Variants in GGNBP2 observed in about 807,000 individuals in gnomAD.
GGNBP2 encodes the protein gametogenetin-binding protein 2.
GGNBP2 carries 10 observed loss-of-function variants against 85.9 expected under a neutral mutation model. That is an observed-to-expected ratio of 0.12 (90% CI 0.07 to 0.20). The LOEUF (loss-of-function observed/expected upper bound fraction) is 0.20. GGNBP2 is among the 10% of genes least tolerant of loss of function. GGNBP2 has a pLI of 1.00. For synonymous variants in GGNBP2, 287 were observed against 285.7 expected (o/e 1.00, Z -0.05); for missense variants, 595 against 857.8 (o/e 0.69, Z 3.83).
chr17:36,560,515 A>G (rs2074407002), intron 4 of GGNBP2, among the ~76,000 whole-genome samples: 1 of 152,144 alleles, frequency 6.6e-6, no homozygotes, highest in South Asian at 2.1e-4. Context: ...CCTCCCAAAT[A>G]GCCGGGACTA....
intron 12 of GGNBP2, chr17:36,586,424 T>A: frequency 7.4e-6 from 4 of 541,528 alleles, no homozygotes; most frequent in Non-Finnish European, 9.8e-6. Flanking sequence ...TCAATTGTTC[T>A]TTTTATACTT....
At chr17:36,581,287 A>G (rs2074647330) in intron 8 of GGNBP2, 57 bp from the exon 9 acceptor site, 2 of 1,259,442 alleles carry the variant, frequency 1.6e-6, no homozygotes, top group Non-Finnish European at 2.2e-6. Flanking sequence ...TCCGTCTCAA[A>G]AAAAAAAGAA....
At position 36,584,922 on chromosome 17, in the gene GGNBP2, C is replaced by G. The variant is rs956921710; in HGVS notation, c.1216-378C>G. ...TAAGCCATGATTGTATGACTGTACT[C>G]TAGCCTAAGTGACAGAGGGAGACCG... On this transcript the variant is annotated intron_variant, in intron 9 of 13. Transcript: ENST00000613102. 9.5e-5 allele frequency among the ~76,000 whole-genome samples: 14 copies of G among 148,066 alleles called. No homozygotes were observed. The East Asian group carries it at 2.2e-3, about 23-fold the overall frequency.
intron 3 of GGNBP2, among the ~76,000 whole-genome samples, chr17:36,556,751 CTTTTTT>C (rs10544073): frequency 4.4e-4 from 23 of 52,848 alleles, no homozygotes; most frequent in African/African-American, 7.6e-4. Context: ...CTGTATTGTG[CTTTTTT>C]TTTTTTTTTT....
chr17:36,568,549 G>A lies in GGNBP2; in HGVS notation c.641+773G>A, dbSNP rs527913455. 3.3e-5 allele frequency among the ~76,000 whole-genome samples: 5 copies of A among 152,172 alleles called. No homozygotes were observed. The East Asian group carries it at 5.8e-4, about 18-fold the overall frequency. ...TGACCTCAGGTAATCCATCTGCCTCGACCTCCCAAAGTGCTGAGATTACAG... is the reference window on the plus strand; with the variant it reads ...TGACCTCAGGTAATCCATCTGCCTCAACCTCCCAAAGTGCTGAGATTACAG... On this transcript the variant is annotated intron_variant, in intron 6 of 13. Transcript: ENST00000613102.
intron 4 of GGNBP2, 97 bp downstream of exon 4, chr17:36,557,433 A>G (rs2074373475): frequency 9.6e-7 from 1 of 1,036,580 alleles, no homozygotes; most frequent in East Asian, 2.4e-5. Flanking sequence ...ATTGAGTCTG[A>G]TTTAATAATT....
At chr17:36,568,357 C>G (rs572116600) in intron 6 of GGNBP2, among the ~76,000 whole-genome samples, 1 of 151,808 alleles carries the variant, frequency 6.6e-6, no homozygotes, top group Non-Finnish European at 1.5e-5. Context: ...AGTGCAGTAG[C>G]GAGACCTCGG....
At chr17:36,547,726 A>G (rs2074268475) in intron 2 of GGNBP2, 1 of 152,260 alleles carries the variant, frequency 6.6e-6, no homozygotes, top group African/African-American at 2.4e-5. Context: ...GACTAAGGCA[A>G]ATAAAACTTA....
chr17:36,575,210 C>T (rs980929770), intron 6 of GGNBP2: 8 of 640,894 alleles, frequency 1.2e-5, no homozygotes, highest in East Asian at 3.0e-5. Flanking sequence ...GCCTCAGCCG[C>T]GGCCTCAGCC....
At position 36,556,596 on chromosome 17, in the gene GGNBP2, C is replaced by T. The variant is rs537367718; in HGVS notation, c.175-487C>T. Among the ~76,000 whole-genome samples the T allele has an allele frequency of 2.5e-3, 380 of 151,928 alleles. 1 individual carries two copies. The highest frequency in any genetic ancestry group is 8.6e-3 in the African/African-American group (357 of 41,426). ...GTGCACACCTGTAGTCCCAGCTACT[C>T]GGGAGGCTGAGGCAGGAGAATTGCT... is the stretch of plus-strand genomic sequence containing the variant. On this transcript the variant is annotated intron_variant, in intron 3 of 13. Coordinates refer to ENST00000613102, the MANE Select transcript of GGNBP2 (RefSeq NM_024835.5).
chr17:36,561,270 C>T (rs908034463), intron 5 of GGNBP2, among the ~76,000 whole-genome samples: 1 of 152,010 alleles, frequency 6.6e-6, no homozygotes, highest in African/African-American at 2.4e-5. Context: ...ACTACAGGTG[C>T]GTGCCACCAC....
Position 36,554,881 on chromosome 17 carries a change from A to C in GGNBP2, c.155A>C (p.Gln52Pro), listed in dbSNP as rs1254031096. ...GATGGACATCAGAATAATGGTGCACAGCTAAAGCAGTTCATTCAGGTAATA... is the reference window on the plus strand; with the variant it reads ...GATGGACATCAGAATAATGGTGCACCGCTAAAGCAGTTCATTCAGGTAATA... ...NLDGHQNNGA[Q>P]LKQFIQRHGM... The change falls in exon 3 of 14, where the codon CAG becomes CCG. Residue 52 changes from glutamine to proline, a missense_variant. Around this residue, in one of 9 missense-constraint regions of GGNBP2, gnomAD observed 216 missense variants for 293.4 expected, o/e 0.74. Coordinates refer to ENST00000613102, the MANE Select transcript of GGNBP2 (RefSeq NM_024835.5). 6.2e-7 allele frequency: 1 copy of C among 1,601,926 alleles called. No individual in the cohort carries two copies. Among genetic ancestry groups the C allele is most frequent in the Non-Finnish European group, 8.6e-7 (1 of 1,168,782 alleles).
Position 36,581,489 on chromosome 17 carries a change from T to G in GGNBP2, c.1166T>G (p.Ile389Ser). 2 of 1,611,418 alleles carry G rather than the reference T, an allele frequency of 1.2e-6. No homozygotes were observed. The highest frequency in any genetic ancestry group is 1.7e-6 in the Non-Finnish European group (2 of 1,179,208). Residue 389 changes from isoleucine (I) to serine (S), a missense_variant, in exon 9 of 14, where the codon ATT becomes AGT. Transcript: ENST00000613102. The stretch of plus-strand genomic sequence containing the variant: ...CGAAAAAATAAGTGTGTGTGTGATA[T>G]TCCTACTCCCTTACAAACAGCAGAT... Reference protein sequence around the residue: ...NRRKNKCVCDIPTPLQTADEK... With the variant: ...NRRKNKCVCDSPTPLQTADEK...
intron 5 of GGNBP2, among the ~76,000 whole-genome samples, chr17:36,562,223 A>AGT (rs2074424429): frequency 6.6e-6 from 1 of 151,928 alleles, no homozygotes; most frequent in Non-Finnish European, 1.5e-5. Context: ...GCTGGAGTGC[A>AGT]GTGGTACGAT....
At chr17:36,563,872 T>C (rs1364588841) in intron 5 of GGNBP2, among the ~76,000 whole-genome samples, 1 of 151,918 alleles carries the variant, frequency 6.6e-6, no homozygotes, top group Non-Finnish European at 1.5e-5. Flanking sequence ...GCCTCCCAAG[T>C]AGCTGGGATT....
At chr17:36,554,290 C>A (rs190114453) in intron 2 of GGNBP2, among the ~76,000 whole-genome samples, 2 of 112,696 alleles carry the variant, frequency 1.8e-5, no homozygotes, top group Non-Finnish European at 3.3e-5. Context: ...GCCTAGGTGA[C>A]GGAGCAAGAC....
intron 2 of GGNBP2, chr17:36,547,826 G>A (rs1409154458): frequency 6.6e-6 from 1 of 152,254 alleles, no homozygotes; most frequent in Non-Finnish European, 1.5e-5. Flanking sequence ...ACAAAGGAAT[G>A]AGTGAGACAT....
At chr17:36,555,392 A>G (rs962618037) in intron 3 of GGNBP2, among the ~76,000 whole-genome samples, 8 of 152,224 alleles carry the variant, frequency 5.3e-5, no homozygotes, top group Non-Finnish European at 7.3e-5. Context: ...CACAATGCTT[A>G]TACAAAATGA....
At chr17:36,546,247 TAGC>T (rs1168321604) in intron 2 of GGNBP2, 68 of 311,970 alleles carry the variant, frequency 2.2e-4, no homozygotes, top group Non-Finnish European at 4.7e-5. Flanking sequence ...TTAATACTGG[TAGC>T]TCTCACCACA....
Sources: allele counts gnomAD v4.1 joint callset (sites outside exome capture counted in the v4.1 genomes callset), GRCh38; gene constraint gnomAD v4.1.1; regional missense constraint gnomAD v4.1.1; transcripts MANE v1.5; gene names NCBI Gene and HGNC (gene_info 2026-07-23, HGNC 2026-07-21).